The following DLGAP2 variants were observed in gnomAD, a reference collection of about 807,000 sequenced individuals.
DLGAP2 encodes disks large-associated protein 2.
Under a neutral mutation model 100.3 loss-of-function variants are expected in DLGAP2, and 26 were observed. The observed-to-expected ratio is 0.26, with a 90% confidence interval of 0.19 to 0.36. The LOEUF (loss-of-function observed/expected upper bound fraction) is 0.36. Among genes scored for constraint, DLGAP2 ranks in the 10% least tolerant of loss-of-function variants. DLGAP2 has a pLI of 1.00. For missense variants in DLGAP2, 1,858 were observed against 1,453.2 expected (o/e 1.28, Z -4.53); for synonymous variants, 886 against 630.1 (o/e 1.41, Z -6.08).
chr8:1,621,680 C>T (rs1563262080), intron 6 of DLGAP2: 1 of 152,620 alleles, frequency 6.6e-6, no homozygotes, highest in African/African-American at 2.4e-5. Context: ...GCACCGTCAG[C>T]ACCAGGAGGG....
At chr8:1,425,107 A>G (rs1465274003) in intron 3 of DLGAP2, among the ~76,000 whole-genome samples, 1 of 152,212 alleles carries the variant, frequency 6.6e-6, no homozygotes, top group Non-Finnish European at 1.5e-5. Context: ...TTTGCCAACT[A>G]AGGTAGTTTT....
chr8:989,322 C>T (rs1468635641), intron 2 of DLGAP2, among the ~76,000 whole-genome samples: 1 of 152,210 alleles, frequency 6.6e-6, no homozygotes, highest in Non-Finnish European at 1.5e-5. Flanking sequence ...GGCTGCTCTC[C>T]CAGGGCCTGA....
chr8:902,026 G>C (rs1411302992), intron 1 of DLGAP2, among the ~76,000 whole-genome samples: 2 of 152,164 alleles, frequency 1.3e-5, no homozygotes, highest in African/African-American at 2.4e-5. Flanking sequence ...GAACCCAGGG[G>C]GGTTCCAAGC....
At chr8:1,211,336 A>G (rs1798100359) in intron 2 of DLGAP2, among the ~76,000 whole-genome samples, 2 of 152,218 alleles carry the variant, frequency 1.3e-5, no homozygotes, top group African/African-American at 4.8e-5. Context: ...TGCAGGGGTA[A>G]TGAACACCAC....
chr8:1,195,393 A>G (rs1797729984), intron 2 of DLGAP2, among the ~76,000 whole-genome samples: 1 of 152,242 alleles, frequency 6.6e-6, no homozygotes, highest in African/African-American at 2.4e-5. Context: ...CGGAGGATAT[A>G]TGTGTTATTA....
intron 2 of DLGAP2, among the ~76,000 whole-genome samples, chr8:1,124,702 A>G (rs866698369): frequency 2.0e-5 from 3 of 152,198 alleles, no homozygotes; most frequent in African/African-American, 7.2e-5. Context: ...GATTTTCACT[A>G]TCTTTTGAAA....
At chr8:745,468 G>A (rs1378510779) in intron 1 of DLGAP2, among the ~76,000 whole-genome samples, 9 of 152,176 alleles carry the variant, frequency 5.9e-5, no homozygotes, top group African/African-American at 2.2e-4. Context: ...GTATTTCTCA[G>A]TCTTCAATTT....
chr8:988,863 G>C (rs1800565620), intron 2 of DLGAP2, among the ~76,000 whole-genome samples: 1 of 152,186 alleles, frequency 6.6e-6, no homozygotes, highest in Admixed American at 6.5e-5. Context: ...CTGTCCCACA[G>C]TCACCTGCAT....
intron 1 of DLGAP2, among the ~76,000 whole-genome samples, chr8:779,064 C>T (rs1821613147): frequency 6.6e-6 from 1 of 152,244 alleles, no homozygotes; most frequent in South Asian, 2.1e-4. Context: ...TCAAGCCCGT[C>T]AGAAAAGCGC....
At chr8:802,099 A>ACGGTC (rs1563039241) in intron 1 of DLGAP2, among the ~76,000 whole-genome samples, 8 of 134,524 alleles carry the variant, frequency 5.9e-5, no homozygotes, top group African/African-American at 1.5e-4. Flanking sequence ...GGCCTGGGGA[A>ACGGTC]TGGTCCACAC....
intron 2 of DLGAP2, among the ~76,000 whole-genome samples, chr8:932,533 G>T (rs1461756010): frequency 6.6e-6 from 1 of 152,212 alleles, no homozygotes; most frequent in East Asian, 1.9e-4. Flanking sequence ...AATAAGGTTT[G>T]TCAGTGAAGT....
At chr8:1,512,154 G>C (rs1020916651) in intron 4 of DLGAP2, among the ~76,000 whole-genome samples, 5 of 152,202 alleles carry the variant, frequency 3.3e-5, no homozygotes, top group Non-Finnish European at 7.3e-5. Flanking sequence ...AAGCCCTGCT[G>C]GGAACAGCTG....
chr8:1,584,235 T>A (rs764457488), intron 6 of DLGAP2, among the ~76,000 whole-genome samples: 1 of 152,182 alleles, frequency 6.6e-6, no homozygotes, highest in African/African-American at 2.4e-5. Flanking sequence ...AATGAACTGC[T>A]ATTAGCGACG....
intron 1 of DLGAP2, among the ~76,000 whole-genome samples, chr8:850,828 T>A (rs538905756): frequency 1.6e-4 from 24 of 146,468 alleles, no homozygotes; most frequent in African/African-American, 3.5e-4. Flanking sequence ...ATAGTTAAAA[T>A]TTTTTTTTTC....
intron 1 of DLGAP2, among the ~76,000 whole-genome samples, chr8:745,592 C>T (rs992995228): frequency 1.3e-5 from 2 of 152,090 alleles, no homozygotes; most frequent in African/African-American, 4.8e-5. Context: ...GAAACTTTTC[C>T]TAAGGAAATA....
At chr8:1,032,234 T>C (rs1801996095) in intron 2 of DLGAP2, among the ~76,000 whole-genome samples, 1 of 152,194 alleles carries the variant, frequency 6.6e-6, no homozygotes, top group African/African-American at 2.4e-5. Flanking sequence ...CAAAGGTGTG[T>C]TCCCCCACCG....
At chr8:938,888 G>T (rs542859920) in intron 2 of DLGAP2, among the ~76,000 whole-genome samples, 3 of 152,384 alleles carry the variant, frequency 2.0e-5, no homozygotes, top group East Asian at 3.9e-4. Flanking sequence ...CCAGGCCTCT[G>T]CCTTAAGCCC....
chr8:910,816 G>A (rs983470915), intron 2 of DLGAP2, among the ~76,000 whole-genome samples: 2 of 152,056 alleles, frequency 1.3e-5, no homozygotes, highest in African/African-American at 2.4e-5. Flanking sequence ...AGGGGGTTCC[G>A]TCCTTAGCAC....
rs1215912491 is a variant in DLGAP2, at chr8:1,298,083, A to T, written c.106+39200A>T. 3.4e-5 allele frequency among the ~76,000 whole-genome samples: 4 copies of T among 117,248 alleles called. No individual in the cohort carries two copies. The East Asian group carries it at 9.7e-4, about 28-fold the overall frequency. 76.9% of individuals were successfully genotyped at this position (117,248 alleles called of 152,430 possible). On this transcript the variant is annotated intron_variant, in intron 3 of 14. Coordinates refer to ENST00000637795, the MANE Select transcript of DLGAP2 (RefSeq NM_001346810.2). The stretch of plus-strand genomic sequence containing the variant: ...GAGGAGAAACGTGGCAGGCGTCAAC[A>T]GACACCACGTGAGACAGGGAGGAGA...
Sources: gnomAD v4.1 joint callset for allele counts (sites outside exome capture counted in the v4.1 genomes callset) on GRCh38, gnomAD v4.1.1 for gene constraint, MANE v1.5 for transcripts, NCBI Gene and HGNC (gene_info 2026-07-23, HGNC 2026-07-21) for gene names.